The following NYAP2 variants were observed in gnomAD, a reference collection of about 807,000 sequenced individuals.
NYAP2 encodes neuronal tyrosine-phosphorylated phosphoinositide-3-kinase adaptor 2.
NYAP2 carries 23 observed loss-of-function variants against 50.4 expected under a neutral mutation model. The observed-to-expected ratio is 0.46, with a 90% CI of 0.33 to 0.65. The LOEUF is 0.65. Among genes scored for constraint, NYAP2 ranks in the 30% least tolerant of loss-of-function variants. NYAP2 has a pLI of 0.02. For missense variants in NYAP2, 885 were observed against 861.0 expected (o/e 1.03, Z -0.35); for synonymous variants, 394 against 365.2 (o/e 1.08, Z -0.90).
At chr2:225,607,234 G>T (rs1005957647) in intron 5 of NYAP2, among the ~76,000 whole-genome samples, 10 of 151,974 alleles carry the variant, frequency 6.6e-5, no homozygotes, top group African/African-American at 2.4e-4. Context: ...TTATTTGAGC[G>T]ATGGGTACAC....
intron 4 of NYAP2, among the ~76,000 whole-genome samples, chr2:225,531,622 A>G (rs1179965089): frequency 6.6e-6 from 1 of 152,218 alleles, no homozygotes. Flanking sequence ...GTCTTTCAGG[A>G]GACTAATTAC....
intron 3 of NYAP2, among the ~76,000 whole-genome samples, chr2:225,487,018 G>A (rs949908608): frequency 3.3e-5 from 5 of 152,210 alleles, no homozygotes; most frequent in Admixed American, 3.3e-4. Context: ...GTCACATATT[G>A]CTGTCTGGTA....
At chr2:225,493,761 A>T (rs537825985) in intron 3 of NYAP2, among the ~76,000 whole-genome samples, 31 of 152,356 alleles carry the variant, frequency 2.0e-4, no homozygotes, top group African/African-American at 7.2e-4. Flanking sequence ...CTTTATAGGG[A>T]AAAAGAAAAG....
intron 3 of NYAP2, among the ~76,000 whole-genome samples, chr2:225,413,491 C>A (rs1483611311): frequency 3.3e-5 from 5 of 152,072 alleles, no homozygotes; most frequent in Non-Finnish European, 5.9e-5. Context: ...CATATGGTGA[C>A]TGGATATCTT....
intron 5 of NYAP2, among the ~76,000 whole-genome samples, chr2:225,623,965 T>G (rs190339554): frequency 6.6e-6 from 1 of 152,362 alleles, no homozygotes; most frequent in African/African-American, 2.4e-5. Context: ...ATATGCATTT[T>G]TAAAATACAA....
the NYAP2 span, among the ~76,000 whole-genome samples, chr2:225,669,554 A>AG: frequency 6.6e-6 from 1 of 152,132 alleles, no homozygotes; most frequent in Non-Finnish European, 1.5e-5. Flanking sequence ...TCATTTAGTG[A>AG]GAAAAAAAAG....
At chr2:225,522,827 C>G (rs965980885) in intron 4 of NYAP2, among the ~76,000 whole-genome samples, 1 of 152,120 alleles carries the variant, frequency 6.6e-6, no homozygotes. Flanking sequence ...ATGACAAACA[C>G]GTGCCTTTCT....
exon 7 of NYAP2, chr2:225,653,404 C>A (rs1481388364): frequency 6.6e-6 from 1 of 152,196 alleles, no homozygotes; most frequent in African/African-American, 2.4e-5. Context: ...ACAAGGTATA[C>A]CCTTTGTGCC....
At position 225,638,372 on chromosome 2, in the gene NYAP2, G is replaced by A. The variant is rs1425539615; in HGVS notation, c.1828+11246G>A. Among the ~76,000 whole-genome samples the A allele has an allele frequency of 2.0e-5, 3 of 152,148 alleles. No homozygotes were observed. The East Asian group carries it at 5.8e-4, about 29-fold the overall frequency. ...TAACAGTTTGAGGGATAGAGTGGAA[G>A]GAAAAAGCACAAGAGACTGGGTGAA... On this transcript the variant is annotated intron_variant, in intron 6 of 6. Transcript: ENST00000636099.
At chr2:225,641,671 G>A (rs1177794386) in intron 6 of NYAP2, among the ~76,000 whole-genome samples, 1 of 152,020 alleles carries the variant, frequency 6.6e-6, no homozygotes, top group Non-Finnish European at 1.5e-5. Context: ...AAACTAGCTG[G>A]GCGTGGTGGC....
intron 2 of NYAP2, among the ~76,000 whole-genome samples, chr2:225,401,460 A>G (rs1694860482): frequency 6.6e-6 from 1 of 152,068 alleles, no homozygotes; most frequent in African/African-American, 2.4e-5. Context: ...GCCCAATTTT[A>G]CATTCTCAGG....
At chr2:225,570,915 T>C (rs1692058729) in intron 4 of NYAP2, among the ~76,000 whole-genome samples, 5 of 152,220 alleles carry the variant, frequency 3.3e-5, no homozygotes, top group Admixed American at 3.3e-4. Context: ...AGTTAGTTAC[T>C]TCCAAGATAC....
the NYAP2 span, among the ~76,000 whole-genome samples, chr2:225,660,654 G>A: frequency 2.0e-5 from 3 of 152,170 alleles, no homozygotes; most frequent in East Asian, 3.9e-4. Flanking sequence ...GCCACCTAGC[G>A]TCTGTAGCGC....
intron 5 of NYAP2, among the ~76,000 whole-genome samples, chr2:225,588,953 C>T (rs1692440381): frequency 6.6e-6 from 1 of 152,044 alleles, no homozygotes; most frequent in African/African-American, 2.4e-5. Context: ...CATTTAAATT[C>T]ACTTAAATTC....
chr2:225,615,602 G>A (rs1024437784), intron 5 of NYAP2, among the ~76,000 whole-genome samples: 1 of 152,200 alleles, frequency 6.6e-6, no homozygotes, highest in Non-Finnish European at 1.5e-5. Flanking sequence ...GTTCCCCTGT[G>A]TTACAGTGAG....
intron 4 of NYAP2, among the ~76,000 whole-genome samples, chr2:225,578,623 A>C (rs1347369155): frequency 1.3e-5 from 2 of 152,204 alleles, no homozygotes; most frequent in Admixed American, 1.3e-4. Context: ...AAGCATCGCC[A>C]GATGTAGCCA....
intron 4 of NYAP2, among the ~76,000 whole-genome samples, chr2:225,530,806 G>T (rs776840665): frequency 6.6e-6 from 1 of 152,132 alleles, no homozygotes; most frequent in Non-Finnish European, 1.5e-5. Flanking sequence ...TGACACCCAA[G>T]TTAGACATGC....
chr2:225,564,805 A>C (rs1327021034), intron 4 of NYAP2, among the ~76,000 whole-genome samples: 2 of 152,124 alleles, frequency 1.3e-5, no homozygotes, highest in Non-Finnish European at 2.9e-5. Context: ...AGAAGTATAG[A>C]AAATAACTCA....
chr2:225,517,069 C>CAA (rs149809493), intron 4 of NYAP2, among the ~76,000 whole-genome samples: 3 of 149,482 alleles, frequency 2.0e-5, no homozygotes, highest in African/African-American at 7.4e-5. Flanking sequence ...TGAGCACAAA[C>CAA]AAAAAAAAAT....
Sources: gnomAD v4.1 joint callset for allele counts (sites outside exome capture counted in the v4.1 genomes callset) on GRCh38, gnomAD v4.1.1 for gene constraint, MANE v1.5 for transcripts, NCBI Gene and HGNC (gene_info 2026-07-23, HGNC 2026-07-21) for gene names.